SAMD3: variants seen among roughly 807,000 people sequenced by gnomAD.
The protein encoded by SAMD3 is sterile alpha motif domain containing 3.
In SAMD3, 63 loss-of-function variants were observed where a neutral mutation model predicts 58.5. That is an observed-to-expected ratio of 1.08 (90% confidence interval 0.88 to 1.33). SAMD3 has a LOEUF of 1.33. Among genes scored for constraint, SAMD3 ranks in the 40% most tolerant of loss-of-function variants. The pLI is 0.00. For synonymous variants in SAMD3, 220 were observed against 210.3 expected (o/e 1.05, Z -0.40); for missense variants, 604 against 608.4 (o/e 0.99, Z 0.08).
intron 1 of SAMD3, among the ~76,000 whole-genome samples, chr6:130,340,760 T>C (rs1777244281): frequency 6.6e-6 from 1 of 152,248 alleles, no homozygotes; most frequent in South Asian, 2.1e-4. Context: ...ATCATATTTA[T>C]GTTTATATCA....
In SAMD3 at chr6:130,154,695, G is replaced by GAA. The variant is rs145408019; in HGVS notation, c.1023+128_1023+129dup. ...TGGGCGACAGAGCAAGACTCTGTCT[G>GAA]AAAAAAAAAAAAAAAAAAAAAAAAT... On this transcript the variant is annotated intron_variant, in intron 9 of 11. Coordinates refer to ENST00000439090, the MANE Select transcript of SAMD3 (RefSeq NM_001017373.4). 7.9e-3 allele frequency: 863 copies of GAA among 108,680 alleles called. 24 individuals are homozygous for GAA. The highest frequency in any genetic ancestry group is 0.031 in the African/African-American group (715 of 23,104). The allele number at this position is 108,680 out of a possible 1,614,324, so 6.7% of individuals were successfully genotyped here.
chr6:130,250,229 G>T lies in SAMD3; in HGVS notation c.-187-27416C>A, dbSNP rs542875920. ...GGTATTTCTAAAGACAGTCACAAAA[G>T]TACCATTATTTTTGGACACTGCATT... is the stretch of plus-strand genomic sequence containing the variant. On this transcript the variant is annotated intron_variant, in intron 2 of 13. Coordinates refer to the SAMD3 transcript ENST00000368134. Among the ~76,000 whole-genome samples, 4 of 152,258 alleles carry T rather than the reference G, an allele frequency of 2.6e-5. No individual in the cohort carries two copies. In the South Asian group the frequency reaches 6.2e-4, roughly 24 times the overall value.
chr6:130,248,884 T>C (rs1292421155), intron 2 of SAMD3, among the ~76,000 whole-genome samples: 1 of 152,140 alleles, frequency 6.6e-6, no homozygotes, highest in Non-Finnish European at 1.5e-5. Context: ...AATGTTAAAT[T>C]AATAATTAGG....
In SAMD3 at chr6:130,184,117, C is replaced by A. The variant is rs993406200; in HGVS notation, c.640G>T (p.Asp214Tyr). ...LLQAHPFLDE[D>Y]GCGFFLWKRA... Reference sequence around the variant, plus strand: ...TGGTCACTTACGAAGCCACAGCCATCCTCATCCAGGAAAGGGTGGGCCTGC... The same window carrying A: ...TGGTCACTTACGAAGCCACAGCCATACTCATCCAGGAAAGGGTGGGCCTGC... The change falls in exon 7 of 12, where the codon GAT becomes TAT. Residue 214 changes from aspartate to tyrosine, a missense_variant. Asp to Tyr is a radical substitution (Grantham distance 160, BLOSUM62 -3). Coordinates refer to ENST00000439090, the MANE Select transcript of SAMD3 (RefSeq NM_001017373.4). 6 of 1,613,882 alleles carry A rather than the reference C, an allele frequency of 3.7e-6. No homozygotes were observed. Among genetic ancestry groups the A allele is most frequent in the Non-Finnish European group, 4.2e-6 (5 of 1,179,848 alleles).
intron 8 of SAMD3, among the ~76,000 whole-genome samples, chr6:130,156,284 C>T (rs1162279301): frequency 6.6e-6 from 1 of 151,936 alleles, no homozygotes; most frequent in Non-Finnish European, 1.5e-5. Flanking sequence ...CGAGATCACA[C>T]CACTGCACTG....
intron 2 of SAMD3, among the ~76,000 whole-genome samples, chr6:130,268,421 T>A (rs569000994): frequency 2.0e-5 from 3 of 152,256 alleles, no homozygotes; most frequent in South Asian, 4.1e-4. Flanking sequence ...TTAAAAATAA[T>A]TTTAGTGTAG....
intron 9 of SAMD3, among the ~76,000 whole-genome samples, chr6:130,148,153 T>G (rs1788806930): frequency 6.6e-6 from 1 of 152,246 alleles, no homozygotes; most frequent in Admixed American, 6.5e-5. Context: ...CAAGTACTAC[T>G]ACAATAGTTG....
intron 8 of SAMD3, among the ~76,000 whole-genome samples, chr6:130,171,127 T>A (rs1352150300): frequency 6.6e-6 from 1 of 152,220 alleles, no homozygotes; most frequent in East Asian, 1.9e-4. Flanking sequence ...ATACCTAGGT[T>A]ATTGAGAGTT....
chr6:130,294,909 ATTTTTTTTTTTT>A (rs774036634), intron 2 of SAMD3, among the ~76,000 whole-genome samples: 8 of 56,170 alleles, frequency 1.4e-4, no homozygotes, highest in South Asian at 5.7e-4. Context: ...CATTTCTCTG[ATTTTTTTTTTTT>A]TTTTTTTTTT....
intron 2 of SAMD3, among the ~76,000 whole-genome samples, chr6:130,236,999 A>C (rs998056770): frequency 3.3e-5 from 5 of 152,222 alleles, no homozygotes; most frequent in Non-Finnish European, 4.4e-5. Flanking sequence ...TGCTAATAAT[A>C]TAAAACCAAC....
At chr6:130,230,472 C>T (rs1796513859) in intron 2 of SAMD3, among the ~76,000 whole-genome samples, 2 of 152,158 alleles carry the variant, frequency 1.3e-5, no homozygotes, top group Non-Finnish European at 2.9e-5. Flanking sequence ...ACTGAAACCT[C>T]TGCCTCCTGG....
intron 2 of SAMD3, among the ~76,000 whole-genome samples, chr6:130,267,566 G>C (rs956659622): frequency 9.9e-5 from 15 of 152,164 alleles, no homozygotes; most frequent in Non-Finnish European, 2.9e-5. Context: ...GAAAAGGAAA[G>C]AGAAGCAAAA....
chr6:130,197,673 G>T (rs533296310), intron 5 of SAMD3, among the ~76,000 whole-genome samples: 1 of 152,088 alleles, frequency 6.6e-6, no homozygotes, highest in Non-Finnish European at 1.5e-5. Context: ...TCCCACTCTA[G>T]GTTCCCATGC....
At chr6:130,312,681 A>C in intron 2 of SAMD3, among the ~76,000 whole-genome samples, 1 of 151,962 alleles carries the variant, frequency 6.6e-6, no homozygotes, top group East Asian at 1.9e-4. Flanking sequence ...TTGCTTTCTA[A>C]ACTTTTTTTC....
intron 2 of SAMD3, among the ~76,000 whole-genome samples, chr6:130,285,876 T>C (rs35744561): frequency 0.037 from 5,629 of 152,262 alleles, 177 homozygotes; most frequent in Middle Eastern, 0.14. Flanking sequence ...AATTTACATT[T>C]AAAGCCATAA....
chr6:130,219,578 T>C (rs1424118685), intron 1 of SAMD3, among the ~76,000 whole-genome samples: 1 of 152,242 alleles, frequency 6.6e-6, no homozygotes, highest in African/African-American at 2.4e-5. Flanking sequence ...AATGAGAACA[T>C]ATGATATTTG....
intron 2 of SAMD3, among the ~76,000 whole-genome samples, chr6:130,304,583 T>A (rs1012405985): frequency 1.3e-5 from 2 of 152,220 alleles, no homozygotes; most frequent in African/African-American, 4.8e-5. Context: ...GCTTTATGAC[T>A]TTTTACTGAA....
At chr6:130,353,068 T>G (rs943047765) in intron 1 of SAMD3, among the ~76,000 whole-genome samples, 1 of 152,202 alleles carries the variant, frequency 6.6e-6, no homozygotes, top group Non-Finnish European at 1.5e-5. Context: ...TATTTCCTTT[T>G]GAAATGCTAT....
chr6:130,337,465 T>G (rs1777134638), intron 1 of SAMD3, among the ~76,000 whole-genome samples: 1 of 152,188 alleles, frequency 6.6e-6, no homozygotes, highest in Admixed American at 6.5e-5. Flanking sequence ...GAGAATGGAC[T>G]ACTATAGTAA....
Sources: allele counts gnomAD v4.1 joint callset (sites outside exome capture counted in the v4.1 genomes callset), GRCh38; gene constraint gnomAD v4.1.1; transcripts MANE v1.5; gene names NCBI Gene and HGNC (gene_info 2026-07-23, HGNC 2026-07-21).